The following TRIM62 variants were observed in gnomAD, a reference collection of about 807,000 sequenced individuals.
TRIM62 encodes tripartite motif containing 62, also known as E3 ubiquitin-protein ligase TRIM62.
In TRIM62, 39 loss-of-function variants were observed where a neutral mutation model predicts 44.2. That is an observed-to-expected ratio of 0.88 (90% CI 0.68 to 1.15). TRIM62 has a LOEUF of 1.15. Ranked by LOEUF, TRIM62 falls within the 50% of genes most tolerant of loss-of-function variation. TRIM62 has a pLI of 0.00. For missense variants in TRIM62, 544 were observed against 665.5 expected, an observed-to-expected ratio of 0.82 and a Z score of 2.01; for synonymous variants, 278 against 292.3, an observed-to-expected ratio of 0.95 and a Z score of 0.50.
At position 33,176,334 on chromosome 1, in the gene TRIM62, T is replaced by G. The variant is rs945409306; in HGVS notation, c.408+4691A>C. The G allele has an allele frequency of 7.9e-6, 5 of 633,938 alleles. 1 individual carries two copies. In the South Asian group the frequency reaches 8.1e-5, roughly 10 times the overall value. The allele number at this position is 633,938 out of a possible 1,614,324, so 39.3% of individuals were successfully genotyped here. A position where few individuals can be genotyped will look rare whatever the true frequency, so the allele number is the denominator to read the frequency against. Reference sequence around the variant, plus strand: ...TCCTGGAAGAAACCAGAGCCGAAATTTGAACCTAGCCCCCAGCCCCCTCCC... The same window carrying G: ...TCCTGGAAGAAACCAGAGCCGAAATGTGAACCTAGCCCCCAGCCCCCTCCC... On this transcript the variant is annotated intron_variant, in intron 1 of 4. Transcript: ENST00000291416.
rs1446799302 is a variant in TRIM62 at position 33,160,061 on chromosome 1, C to T, written c.505-117G>A. The stretch of plus-strand genomic sequence containing the variant: ...AGAGGAAAGGGTGGGAAAGGGCACG[C>T]GTGGTGGGGGAAATGTCACATGCAA... On this transcript the variant is annotated intron_variant, in intron 2 of 4. Coordinates refer to ENST00000291416, the MANE Select transcript of TRIM62 (RefSeq NM_018207.3). 13 of 1,329,200 alleles carry T rather than the reference C, an allele frequency of 9.8e-6. No homozygotes were observed. In the East Asian group the frequency reaches 1.2e-4, roughly 12 times the overall value. 82.3% of individuals were successfully genotyped at this position (1,329,200 alleles called of 1,614,324 possible). A position where few individuals can be genotyped will look rare whatever the true frequency, so the allele number is the denominator to read the frequency against.
intron 4 of TRIM62, among the ~76,000 whole-genome samples, chr1:33,157,931 A>AT (rs1362634379): frequency 6.6e-6 from 1 of 151,718 alleles, no homozygotes; most frequent in African/African-American, 2.4e-5. Flanking sequence ...TAATTTTTGT[A>AT]TTTTTAATAG....
At chr1:33,148,561 T>C (rs3912145) in intron 4 of TRIM62, among the ~76,000 whole-genome samples, 33,785 of 152,056 alleles carry the variant, frequency 0.22, 3,843 homozygotes, top group East Asian at 0.3. Flanking sequence ...GGCTGCTTTG[T>C]TAGGTTTTCT....
chr1:33,154,461 C>T (rs1285841096), intron 4 of TRIM62, among the ~76,000 whole-genome samples: 1 of 152,020 alleles, frequency 6.6e-6, no homozygotes, highest in African/African-American at 2.4e-5. Context: ...TCTTGCTCAG[C>T]TATATGGAAC....
At position 33,159,617 on chromosome 1, in the gene TRIM62, C is replaced by T. The variant is rs1645232776; in HGVS notation, c.761+71G>A. On this transcript the variant is annotated intron_variant, in intron 3 of 4. Transcript: ENST00000291416. This position sits in a 1 kb window ranked among gnomAD's most constrained non-coding sequence, Gnocchi z 4.2. ...CTCTGCTAAGGATCCCATCTGCCTCCACTCCCACTGCCCAGCATGGGTCGA... is the reference window on the plus strand; with the variant it reads ...CTCTGCTAAGGATCCCATCTGCCTCTACTCCCACTGCCCAGCATGGGTCGA... The T allele has an allele frequency of 9.8e-6, 15 of 1,524,668 alleles. No individual in the cohort carries two copies. Among genetic ancestry groups the T allele is most frequent in the Non-Finnish European group, 1.3e-5 (15 of 1,139,068 alleles). 94.4% of individuals were successfully genotyped at this position (1,524,668 alleles called of 1,614,324 possible).
Position 33,165,322 on chromosome 1 carries a change from C to T in TRIM62, c.504+149G>A, listed in dbSNP as rs562087166. Reference sequence around the variant, plus strand: ...CACGGATGCCCTACCCTCTTCCCCACCCTGCCCTTCTCACTCCAGGTTTGG... The same window carrying T: ...CACGGATGCCCTACCCTCTTCCCCATCCTGCCCTTCTCACTCCAGGTTTGG... On this transcript the variant is annotated intron_variant, in intron 2 of 4. Transcript: ENST00000291416. This position sits in a 1 kb window ranked among gnomAD's most constrained non-coding sequence, Gnocchi z 4.0. 6.7e-5 allele frequency: 44 copies of T among 656,062 alleles called. No individual in the cohort carries two copies. The African/African-American group carries it at 6.8e-4, about 10-fold the overall frequency. The allele number at this position is 656,062 out of a possible 1,614,324, so 40.6% of individuals were successfully genotyped here. A position where few individuals can be genotyped will look rare whatever the true frequency, so the allele number is the denominator to read the frequency against.
Position 33,181,490 on chromosome 1 carries a change from C to T in TRIM62, c.-58G>A. ...GGGCAGGGGGGCGGCTGAGAGAGCG[C>T]GGCGCTGTCGGAGGCAGCACCGAGG... On this transcript the variant is annotated 5_prime_UTR_variant, in exon 1 of 5. Coordinates refer to ENST00000291416, the MANE Select transcript of TRIM62 (RefSeq NM_018207.3). The surrounding 1 kb of genome is among the most constrained non-coding windows in gnomAD (Gnocchi z 6.5). 2 of 1,511,820 alleles carry T rather than the reference C, an allele frequency of 1.3e-6. No homozygotes were observed. Among genetic ancestry groups the T allele is most frequent in the South Asian group, 2.5e-5 (2 of 79,082 alleles). 93.7% of individuals were successfully genotyped at this position (1,511,820 alleles called of 1,614,324 possible).
intron 4 of TRIM62, among the ~76,000 whole-genome samples, chr1:33,155,587 C>A (rs902564123): frequency 6.6e-6 from 1 of 152,068 alleles, no homozygotes; most frequent in African/African-American, 2.4e-5. Flanking sequence ...CTCTGGGGCC[C>A]GACGTTGGGG....
chr1:33,147,828 G>T lies in TRIM62; in HGVS notation c.878-101C>A. On this transcript the variant is annotated intron_variant, in intron 4 of 4. Transcript: ENST00000291416. This position sits in a 1 kb window ranked among gnomAD's most constrained non-coding sequence, Gnocchi z 8.1. ...GCAGAGTTCTGGTTGGTACGCAGGA[G>T]GCCTCTGACCTGCTGTGTGACCTTG... The T allele has an allele frequency of 1.5e-6, 2 of 1,361,660 alleles. No homozygotes were observed. Among genetic ancestry groups the T allele is most frequent in the Non-Finnish European group, 2.0e-6 (2 of 999,476 alleles). The allele number at this position is 1,361,660 out of a possible 1,614,324, so 84.3% of individuals were successfully genotyped here. A position where few individuals can be genotyped will look rare whatever the true frequency, so the allele number is the denominator to read the frequency against.
Position 33,181,182 on chromosome 1 carries a change from A to G in TRIM62, c.251T>C (p.Leu84Pro). Residue 84 changes from leucine (L) to proline (P), a missense_variant, in exon 1 of 5, where the codon CTC (leucine) becomes CCC (proline). Physicochemically the swap from Leu to Pro is moderately conservative, Grantham distance 98 (BLOSUM62 -3). Coordinates refer to ENST00000291416, the MANE Select transcript of TRIM62 (RefSeq NM_018207.3). The surrounding 1 kb of genome is among the most constrained non-coding windows in gnomAD (Gnocchi z 6.5). ...GGGTCGCGCGGCGCGGCGCGCGTTGAGGATGGCGTCCAGCGGGAAGGAGCT... is the reference window on the plus strand; with the variant it reads ...GGGTCGCGCGGCGCGGCGCGCGTTGGGGATGGCGTCCAGCGGGAAGGAGCT... Reference protein sequence around the residue: ...RYSSFPLDAILNARRAARPCQ... With the variant: ...RYSSFPLDAIPNARRAARPCQ... The G allele has an allele frequency of 6.3e-7, 1 of 1,595,182 alleles. No individual in the cohort carries two copies. Among genetic ancestry groups the G allele is most frequent in the South Asian group, 1.1e-5 (1 of 89,772 alleles).
intron 1 of TRIM62, among the ~76,000 whole-genome samples, chr1:33,166,630 C>T (rs1325393560): frequency 6.6e-6 from 1 of 152,140 alleles, no homozygotes; most frequent in Non-Finnish European, 1.5e-5. Flanking sequence ...TACAGATAAA[C>T]ATATAATGGT....
At chr1:33,178,503 C>T (rs1442066094) in intron 1 of TRIM62, among the ~76,000 whole-genome samples, 2 of 152,190 alleles carry the variant, frequency 1.3e-5, no homozygotes, top group Non-Finnish European at 2.9e-5. Context: ...GGCATTCACT[C>T]AGCTGGGCAC....
In TRIM62 at chr1:33,177,030, CAT is replaced by C. The variant is rs1209293256; in HGVS notation, c.408+3993_408+3994del. 8.7e-6 allele frequency among the ~76,000 whole-genome samples: 1 copy of C among 114,348 alleles called. No homozygotes were observed. The allele number at this position is 114,348 out of a possible 152,430, so 75.0% of individuals were successfully genotyped here. ...AGGTGGGGAGGAAGACACCAACACACATACACATGCACACACACACGCACACA... is the reference window on the plus strand; with the variant it reads ...AGGTGGGGAGGAAGACACCAACACACACACATGCACACACACACGCACACA... On this transcript the variant is annotated intron_variant, in intron 1 of 4. Coordinates refer to ENST00000291416, the MANE Select transcript of TRIM62 (RefSeq NM_018207.3). This position sits in a 1 kb window ranked among gnomAD's most constrained non-coding sequence, Gnocchi z 4.1.
chr1:33,148,514 G>A (rs1645050682), intron 4 of TRIM62, among the ~76,000 whole-genome samples: 1 of 152,146 alleles, frequency 6.6e-6, no homozygotes, highest in Non-Finnish European at 1.5e-5. Flanking sequence ...ATAGGCATTT[G>A]AGGCAGGATG....
chr1:33,145,704 C>T lies in TRIM62; in HGVS notation c.*1473G>A, dbSNP rs1300405676. 11 of 358,462 alleles carry T rather than the reference C, an allele frequency of 3.1e-5. No individual in the cohort carries two copies. In the East Asian group the frequency reaches 3.2e-4, roughly 10 times the overall value. The allele number at this position is 358,462 out of a possible 1,614,324, so 22.2% of individuals were successfully genotyped here. A position where few individuals can be genotyped will look rare whatever the true frequency, so the allele number is the denominator to read the frequency against. On this transcript the variant is annotated 3_prime_UTR_variant, in exon 5 of 5. Coordinates refer to ENST00000291416, the MANE Select transcript of TRIM62 (RefSeq NM_018207.3). Reference sequence around the variant, plus strand: ...GGGGAGACATTTAGGCTCAGTCTTGCAGCCCACTCCTCCAGTTCCCACCTC... The same window carrying T: ...GGGGAGACATTTAGGCTCAGTCTTGTAGCCCACTCCTCCAGTTCCCACCTC...
intron 2 of TRIM62, among the ~76,000 whole-genome samples, chr1:33,160,830 C>T (rs906588318): frequency 1.9e-4 from 29 of 152,204 alleles, no homozygotes; most frequent in African/African-American, 5.8e-4. Context: ...GGTGGTTACT[C>T]GCTGTCTCCT....
chr1:33,172,221 T>G (rs1645380181), intron 1 of TRIM62, among the ~76,000 whole-genome samples: 1 of 152,216 alleles, frequency 6.6e-6, no homozygotes, highest in South Asian at 2.1e-4. Context: ...AGTAACTATA[T>G]GTAAAGTTGG....
intron 1 of TRIM62, among the ~76,000 whole-genome samples, chr1:33,174,960 TATATATATAC>T (rs1255394835): frequency 4.8e-4 from 68 of 140,332 alleles, no homozygotes; most frequent in African/African-American, 1.9e-3. Flanking sequence ...TATATATATA[TATATATATAC>T]ACACATATAC....
At chr1:33,170,808 C>T (rs1381869289) in intron 1 of TRIM62, among the ~76,000 whole-genome samples, 1 of 152,218 alleles carries the variant, frequency 6.6e-6, no homozygotes, top group Non-Finnish European at 1.5e-5. Flanking sequence ...CCTAACCTCT[C>T]TGTGCCCCAG....
Sources: gnomAD v4.1 joint callset for allele counts (sites outside exome capture counted in the v4.1 genomes callset) on GRCh38, gnomAD v4.1.1 for gene constraint, Gnocchi (gnomAD v3.1) non-coding constraint, MANE v1.5 for transcripts, NCBI Gene and HGNC (gene_info 2026-07-23, HGNC 2026-07-21) for gene names.